Variants in SEMA4D observed in about 807,000 individuals in gnomAD.
SEMA4D encodes semaphorin-4D.
A neutral mutation model predicts 74.8 loss-of-function variants in SEMA4D; 22 were observed. The observed-to-expected ratio is 0.29, with a 90% CI of 0.21 to 0.42. SEMA4D has a LOEUF of 0.42. SEMA4D is among the 10% of genes least tolerant of loss of function. The pLI is 1.00. For synonymous variants in SEMA4D, 445 were observed against 463.7 expected, an observed-to-expected ratio of 0.96 and a Z score of 0.52; for missense variants, 937 against 1,118.4, an observed-to-expected ratio of 0.84 and a Z score of 2.31.
intron 1 of SEMA4D, among the ~76,000 whole-genome samples, chr9:89,472,052 A>T (rs897330145): frequency 6.6e-6 from 1 of 152,242 alleles, no homozygotes; most frequent in Non-Finnish European, 1.5e-5. Context: ...ATGCCCGCTT[A>T]GGTGCACACA....
intron 1 of SEMA4D, among the ~76,000 whole-genome samples, chr9:89,488,980 G>C (rs1299042619): frequency 6.6e-6 from 1 of 152,158 alleles, no homozygotes; most frequent in Non-Finnish European, 1.5e-5. Flanking sequence ...GTGATCAAAA[G>C]ATCTGAACAG....
intron 1 of SEMA4D, among the ~76,000 whole-genome samples, chr9:89,485,248 C>T (rs1825087862): frequency 6.6e-6 from 1 of 152,132 alleles, no homozygotes; most frequent in Admixed American, 6.5e-5. Context: ...ATGTATTATG[C>T]TGACTTCTCA....
In SEMA4D at chr9:89,419,212, G is replaced by A. The variant is rs78792894; in HGVS notation, c.-243-13513C>T. Among the ~76,000 whole-genome samples the A allele has an allele frequency of 3.7e-3, 566 of 152,312 alleles. 3 individuals are homozygous for A. Among genetic ancestry groups the A allele is most frequent in the African/African-American group, 0.013 (539 of 41,556 alleles). ...CGATCACGATTCATCAGGCCCCACC[G>A]TAGTGGAGCTTCCAGAGACTGATAC... On this transcript the variant is annotated intron_variant, in intron 2 of 15. Transcript: ENST00000422704.
intron 13 of SEMA4D, among the ~76,000 whole-genome samples, chr9:89,383,769 A>T (rs571478326): frequency 5.9e-5 from 9 of 152,258 alleles, no homozygotes; most frequent in African/African-American, 1.9e-4. Flanking sequence ...TTTCAAGACA[A>T]AATTTTTAAA....
intron 2 of SEMA4D, among the ~76,000 whole-genome samples, chr9:89,420,544 C>A (rs563177528): frequency 6.6e-6 from 1 of 152,348 alleles, no homozygotes; most frequent in East Asian, 1.9e-4. Flanking sequence ...ACGCCCAGGC[C>A]TTGCGAACAG....
chr9:89,466,668 C>T (rs1453791747), intron 1 of SEMA4D, among the ~76,000 whole-genome samples: 1 of 152,238 alleles, frequency 6.6e-6, no homozygotes, highest in Non-Finnish European at 1.5e-5. Flanking sequence ...CACTTTTCCA[C>T]TGCAATTAGT....
intron 4 of SEMA4D, among the ~76,000 whole-genome samples, chr9:89,400,151 C>T (rs915228824): frequency 6.6e-6 from 1 of 152,022 alleles, no homozygotes; most frequent in Non-Finnish European, 1.5e-5. Flanking sequence ...TGAACTAACA[C>T]CACCAGCTCA....
chr9:89,464,955 A>C (rs528107979), intron 1 of SEMA4D, among the ~76,000 whole-genome samples: 1 of 152,328 alleles, frequency 6.6e-6, no homozygotes, highest in South Asian at 2.1e-4. Flanking sequence ...ATTTGGATGC[A>C]TCTCTGTTTT....
chr9:89,438,264 GA>G (rs1379378486), intron 2 of SEMA4D, among the ~76,000 whole-genome samples: 4 of 152,274 alleles, frequency 2.6e-5, no homozygotes, highest in African/African-American at 9.6e-5. Context: ...CAGGAAGGGT[GA>G]AGAGTGAAGG....
intron 16 of SEMA4D, chr9:89,364,609 T>G (rs1236231259): frequency 6.4e-6 from 1 of 156,480 alleles, no homozygotes. Flanking sequence ...GGGCCCGACA[T>G]TGGCCACTTC....
chr9:89,473,055 T>C (rs1860808305), intron 1 of SEMA4D, among the ~76,000 whole-genome samples: 1 of 151,934 alleles, frequency 6.6e-6, no homozygotes, highest in Non-Finnish European at 1.5e-5. Context: ...AACACTGCAC[T>C]CCCGCCTAGG....
chr9:89,462,956 G>GA (rs1181668675), intron 1 of SEMA4D, among the ~76,000 whole-genome samples: 1 of 95,508 alleles, frequency 1.0e-5, no homozygotes, highest in African/African-American at 4.0e-5. Context: ...GAAAGGAGGG[G>GA]GGAGCGAGCG....
intron 2 of SEMA4D, among the ~76,000 whole-genome samples, chr9:89,452,711 C>T (rs960004573): frequency 6.6e-6 from 1 of 152,226 alleles, no homozygotes; most frequent in African/African-American, 2.4e-5. Flanking sequence ...CCTCGGCCTC[C>T]CAAAGTGCTG....
At position 89,405,467 on chromosome 9, in the gene SEMA4D, C is replaced by T. The variant is rs746032673; in HGVS notation, c.-11G>A. The stretch of plus-strand genomic sequence containing the variant: ...GGTGCACATCCTCATCAGGTAGAGG[C>T]GACCCCAGGGGCTTCAGCAGCAAAG... On this transcript the variant is annotated 5_prime_UTR_variant, in exon 3 of 16. Transcript: ENST00000422704. The T allele has an allele frequency of 5.9e-5, 95 of 1,612,758 alleles. No individual in the cohort carries two copies. The highest frequency in any genetic ancestry group is 7.8e-5 in the Non-Finnish European group (92 of 1,179,942).
intron 2 of SEMA4D, among the ~76,000 whole-genome samples, chr9:89,412,280 G>A (rs1844704583): frequency 1.3e-5 from 2 of 152,310 alleles, no homozygotes; most frequent in African/African-American, 4.8e-5. Flanking sequence ...AAGAGAGATT[G>A]AAAACAAATC....
At chr9:89,387,886 T>G (rs1476402901) in intron 11 of SEMA4D, among the ~76,000 whole-genome samples, 1 of 152,244 alleles carries the variant, frequency 6.6e-6, no homozygotes, top group Non-Finnish European at 1.5e-5. Context: ...GAAAAACACT[T>G]ATTGAGCTTT....
downstream of SEMA4D, among the ~76,000 whole-genome samples, chr9:89,372,259 G>C (rs1219664755): frequency 9.6e-6 from 1 of 104,336 alleles, no homozygotes; most frequent in African/African-American, 3.8e-5. Flanking sequence ...GGCTGTGGTG[G>C]GTGTGTGGGG....
chr9:89,395,734 C>T (rs1054293589), intron 6 of SEMA4D, among the ~76,000 whole-genome samples: 2 of 152,172 alleles, frequency 1.3e-5, no homozygotes, highest in Admixed American at 1.3e-4. Context: ...TAGACCCCTA[C>T]TATGAATCTC....
At position 89,416,469 on chromosome 9, in the gene SEMA4D, G is replaced by C. The variant is rs557604337; in HGVS notation, c.-243-10770C>G. 2.6e-5 allele frequency among the ~76,000 whole-genome samples: 4 copies of C among 152,272 alleles called. No individual in the cohort carries two copies. The East Asian group carries it at 5.8e-4, about 22-fold the overall frequency. The stretch of plus-strand genomic sequence containing the variant: ...ACATGTGTAGAGCAACAACACGCGA[G>C]GCGCGACCCACCTGTGTCAACAGAG... On this transcript the variant is annotated intron_variant, in intron 2 of 15. Transcript: ENST00000422704.
Sources: gnomAD v4.1 joint callset for allele counts (sites outside exome capture counted in the v4.1 genomes callset) on GRCh38, gnomAD v4.1.1 for gene constraint, MANE v1.5 for transcripts, NCBI Gene and HGNC (gene_info 2026-07-23, HGNC 2026-07-21) for gene names.